The following CRISP1 variants were observed in gnomAD, a reference collection of about 807,000 sequenced individuals.
The protein encoded by CRISP1 is cysteine rich secretory protein 1.
A neutral mutation model predicts 33.1 loss-of-function variants in CRISP1; 44 were observed. The observed-to-expected ratio is 1.33, with a 90% CI of 1.05 to 1.71. The LOEUF (loss-of-function observed/expected upper bound fraction) is 1.71, where lower values mean the gene tolerates loss of function less well. Among genes scored for constraint, CRISP1 ranks in the 40% most tolerant of loss-of-function variants. The probability of loss-of-function intolerance (pLI) is 0.00; values close to 1 mark genes in which losing one functional copy is unlikely to be tolerated. For missense variants in CRISP1, 390 were observed against 301.2 expected (o/e 1.29, Z -2.18); for synonymous variants, 103 against 98.7 (o/e 1.04, Z -0.26).
chr6:49,875,167 T>C (rs1421530125), intron 1 of CRISP1, among the ~76,000 whole-genome samples: 2 of 151,988 alleles, frequency 1.3e-5, no homozygotes, highest in Non-Finnish European at 2.9e-5. Flanking sequence ...CTCCATTGTC[T>C]CATCCCAGAA....
At chr6:49,840,073 GGA>G (rs1770932954) in intron 6 of CRISP1, among the ~76,000 whole-genome samples, 1 of 152,208 alleles carries the variant, frequency 6.6e-6, no homozygotes, top group African/African-American at 2.4e-5. Context: ...TGTAGCTGAA[GGA>G]GATATATGAT....
chr6:49,860,932 G>A (rs1771632285), intron 1 of CRISP1, among the ~76,000 whole-genome samples: 1 of 151,910 alleles, frequency 6.6e-6, no homozygotes, highest in South Asian at 2.1e-4. Context: ...ATTGTCACTA[G>A]AGAAATACAG....
intron 2 of CRISP1, among the ~76,000 whole-genome samples, chr6:49,852,971 C>T (rs557883444): frequency 6.6e-6 from 1 of 151,818 alleles, no homozygotes; most frequent in South Asian, 2.1e-4. Context: ...GCTTCCTTAA[C>T]TACCACATGA....
In CRISP1 at chr6:49,872,195, C is replaced by T. The variant is rs192643260; in HGVS notation, c.-3+4814G>A. ...ATGTGTCTTTGGGCTGCATAAATGTCTTCTTTTGAGAAGTGTCTGTTCATA... is the reference window on the plus strand; with the variant it reads ...ATGTGTCTTTGGGCTGCATAAATGTTTTCTTTTGAGAAGTGTCTGTTCATA... On this transcript the variant is annotated intron_variant, in intron 1 of 7. Transcript: ENST00000505118. 4.3e-3 allele frequency among the ~76,000 whole-genome samples: 660 copies of T among 152,236 alleles called. 5 individuals carry two copies. Among genetic ancestry groups the T allele is most frequent in the African/African-American group, 0.015 (623 of 41,542 alleles).
At chr6:49,838,704 G>A (rs550965159) in intron 6 of CRISP1, among the ~76,000 whole-genome samples, 179 bp from the exon 7 acceptor site, 7 of 152,182 alleles carry the variant, frequency 4.6e-5, no homozygotes, top group African/African-American at 9.7e-5. Context: ...TTTTTAGCAC[G>A]TAGAACCAAT....
upstream of CRISP1, among the ~76,000 whole-genome samples, chr6:49,869,714 C>T (rs1290942513): frequency 6.6e-6 from 1 of 151,998 alleles, no homozygotes; most frequent in Non-Finnish European, 1.5e-5. Context: ...AAAATCATGC[C>T]AAAAATTTAA....
Position 49,848,284 on chromosome 6 carries a change from C to A in CRISP1, c.211G>T (p.Ala71Ser), listed in dbSNP as rs150372078. ...GAAAAAATTCTGGCATTTTGTGCAGCCTCTTCACTCCAACTCTGTAGTGGA... is the reference window on the plus strand; with the variant it reads ...GAAAAAATTCTGGCATTTTGTGCAGACTCTTCACTCCAACTCTGTAGTGGA... Reference protein sequence around the residue: ...NMLKMSWSEEAAQNARIFSKY... With the variant: ...NMLKMSWSEESAQNARIFSKY... Residue 71 changes from alanine (A) to serine (S), a missense_variant, in exon 4 of 8, where the codon GCT becomes TCT. Ala to Ser is a moderately conservative substitution (Grantham distance 99, BLOSUM62 1). Coordinates refer to ENST00000335847, the MANE Select transcript of CRISP1 (RefSeq NM_001131.3). The A allele has an allele frequency of 1.1e-4, 176 of 1,602,152 alleles. No homozygotes were observed. In the East Asian group the frequency reaches 3.4e-3, roughly 31 times the overall value.
intron 1 of CRISP1, among the ~76,000 whole-genome samples, chr6:49,865,756 G>A (rs930686249): frequency 7.9e-5 from 12 of 152,122 alleles, no homozygotes; most frequent in Non-Finnish European, 1.8e-4. Context: ...CACAAAAGTT[G>A]TGTAATTTAC....
In CRISP1 at chr6:49,852,054, G is replaced by T; in HGVS notation, c.142C>A (p.His48Asn). Residue 48 changes from histidine to asparagine, a missense_variant, in exon 3 of 8, where the codon CAC becomes AAC. Transcript: ENST00000335847. ...PNVQEEIVNIHNALRRRVVPP... is the reference protein window; with the variant it reads ...PNVQEEIVNINNALRRRVVPP... ...ACTACTCTTCTCCTGAGGGCGTTGT[G>T]TATATTAACGATCTCTTCTTGTACA... 6.2e-7 allele frequency: 1 copy of T among 1,613,216 alleles called. No homozygotes were observed. The highest frequency in any genetic ancestry group is 8.5e-7 in the Non-Finnish European group (1 of 1,179,510).
intron 1 of CRISP1, among the ~76,000 whole-genome samples, chr6:49,872,222 C>G (rs1167146852): frequency 6.6e-6 from 1 of 151,956 alleles, no homozygotes. Context: ...CTGTTCATAT[C>G]CTTTGCCCAC....
At chr6:49,859,161 G>A (rs1253222522) in intron 1 of CRISP1, among the ~76,000 whole-genome samples, 1 of 151,960 alleles carries the variant, frequency 6.6e-6, no homozygotes, top group Admixed American at 6.6e-5. Flanking sequence ...CTGCCCAAAG[G>A]CACAGTTCCA....
At chr6:49,840,078 T>C (rs1476505269) in intron 6 of CRISP1, among the ~76,000 whole-genome samples, 3 of 152,156 alleles carry the variant, frequency 2.0e-5, no homozygotes, top group Non-Finnish European at 2.9e-5. Flanking sequence ...CTGAAGGAGA[T>C]ATATGATGGC....
upstream of CRISP1, among the ~76,000 whole-genome samples, chr6:49,869,263 G>A (rs575665392): frequency 2.0e-5 from 3 of 152,078 alleles, no homozygotes; most frequent in East Asian, 1.9e-4. Flanking sequence ...CTTGCAAGTT[G>A]GTGCTGTTTG....
At chr6:49,851,713 T>G (rs1162712306) in intron 3 of CRISP1, among the ~76,000 whole-genome samples, 1 of 152,156 alleles carries the variant, frequency 6.6e-6, no homozygotes, top group Admixed American at 6.6e-5. Context: ...CCCAGGAAAG[T>G]GTGCTTTACT....
chr6:49,870,667 C>T (rs115122137), upstream of CRISP1, among the ~76,000 whole-genome samples: 261 of 152,270 alleles, frequency 1.7e-3, no homozygotes, highest in African/African-American at 5.8e-3. Context: ...TTGTGAGACT[C>T]ACCCAAATTT....
intron 1 of CRISP1, among the ~76,000 whole-genome samples, chr6:49,858,489 T>C (rs1012219406): frequency 6.6e-6 from 1 of 152,206 alleles, no homozygotes; most frequent in Non-Finnish European, 1.5e-5. Flanking sequence ...CACCCAATGA[T>C]GTAGTTTACC....
At chr6:49,852,891 C>G (rs538933853) in intron 2 of CRISP1, among the ~76,000 whole-genome samples, 4 of 145,314 alleles carry the variant, frequency 2.8e-5, no homozygotes, top group South Asian at 2.3e-4. Flanking sequence ...TGTGTGATAT[C>G]ACATGTACTT....
intron 2 of CRISP1, among the ~76,000 whole-genome samples, chr6:49,853,604 G>A (rs1310589821): frequency 6.6e-6 from 1 of 152,066 alleles, no homozygotes; most frequent in Non-Finnish European, 1.5e-5. Flanking sequence ...GCATTTCCCT[G>A]CCTGATTGGA....
At chr6:49,870,131 A>G (rs529478140), upstream of CRISP1, among the ~76,000 whole-genome samples, 2 of 152,230 alleles carry the variant, frequency 1.3e-5, no homozygotes, top group Non-Finnish European at 2.9e-5. Flanking sequence ...AGAAAGATAG[A>G]CAAATAAATT....
Sources: gnomAD v4.1 joint callset for allele counts (sites outside exome capture counted in the v4.1 genomes callset) on GRCh38, gnomAD v4.1.1 for gene constraint, MANE v1.5 for transcripts, NCBI Gene and HGNC (gene_info 2026-07-23, HGNC 2026-07-21) for gene names.